MCC: variants seen among roughly 807,000 people sequenced by gnomAD.
The protein encoded by MCC is MCC regulator of Wnt signaling pathway.
Under a neutral mutation model 116.2 loss-of-function variants are expected in MCC, and 90 were observed. The ratio of observed to expected loss-of-function variants is 0.77; its 90% CI spans 0.65 to 0.92. MCC has a LOEUF of 0.92. Among genes scored for constraint, MCC ranks in the 40% least tolerant of loss-of-function variants. MCC has a pLI of 0.00. For missense variants in MCC, 1,516 were observed against 1,312.2 expected, an observed-to-expected ratio of 1.16 and a Z score of -2.40; for synonymous variants, 578 against 510.5, an observed-to-expected ratio of 1.13 and a Z score of -1.78.
intron 3 of MCC, among the ~76,000 whole-genome samples, chr5:113,261,702 T>G (rs1281532563): frequency 6.6e-6 from 1 of 152,196 alleles, no homozygotes; most frequent in Non-Finnish European, 1.5e-5. Context: ...ATACACATCC[T>G]ATTTGACTAC....
At chr5:113,295,398 C>G (rs1766678830) in intron 3 of MCC, among the ~76,000 whole-genome samples, 1 of 151,104 alleles carries the variant, frequency 6.6e-6, no homozygotes, top group Non-Finnish European at 1.5e-5. Context: ...CTGTCTGTCA[C>G]TGGGGCAGAG....
chr5:113,075,632 C>T (rs1754392742), intron 11 of MCC, among the ~76,000 whole-genome samples: 1 of 152,178 alleles, frequency 6.6e-6, no homozygotes, highest in African/African-American at 2.4e-5. Context: ...CCAATCACCT[C>T]TCTGTAAAAC....
chr5:113,266,047 G>A (rs149571970), intron 3 of MCC, among the ~76,000 whole-genome samples: 116 of 152,282 alleles, frequency 7.6e-4, no homozygotes, highest in African/African-American at 2.7e-3. Context: ...GACCCTCACA[G>A]TATGGGGCAG....
chr5:113,060,987 T>G (rs1366615577), intron 14 of MCC, among the ~76,000 whole-genome samples: 1 of 152,186 alleles, frequency 6.6e-6, no homozygotes, highest in Admixed American at 6.5e-5. Flanking sequence ...TTTCAAAAAA[T>G]TCACCCTTTC....
At chr5:113,050,604 T>C (rs1446790466) in intron 15 of MCC, among the ~76,000 whole-genome samples, 1 of 152,192 alleles carries the variant, frequency 6.6e-6, no homozygotes, top group Non-Finnish European at 1.5e-5. Flanking sequence ...GAATGAAAGG[T>C]GTGCCACGCC....
At chr5:113,060,399 C>T (rs182495858) in intron 14 of MCC, among the ~76,000 whole-genome samples, 11 of 152,176 alleles carry the variant, frequency 7.2e-5, no homozygotes, top group Admixed American at 3.9e-4. Flanking sequence ...ATGATCTGCC[C>T]GCCTCAGCCT....
chr5:113,472,240 G>T (rs1259383130), intron 1 of MCC, among the ~76,000 whole-genome samples: 1 of 152,146 alleles, frequency 6.6e-6, no homozygotes, highest in African/African-American at 2.4e-5. Context: ...GAAATCACCC[G>T]TCTTCTGTGT....
chr5:113,335,785 A>C (rs1025578901), intron 3 of MCC, among the ~76,000 whole-genome samples: 1 of 151,702 alleles, frequency 6.6e-6, no homozygotes, highest in Non-Finnish European at 1.5e-5. Context: ...CACATTCCCC[A>C]GAGTTCTCTT....
At chr5:113,043,253 C>A (rs1018292601) in intron 17 of MCC, among the ~76,000 whole-genome samples, 4 of 152,190 alleles carry the variant, frequency 2.6e-5, no homozygotes, top group African/African-American at 4.8e-5. Context: ...CCGGAAGTTT[C>A]TAGCCAATGC....
At chr5:113,439,364 C>A (rs769841795) in intron 1 of MCC, among the ~76,000 whole-genome samples, 1 of 152,044 alleles carries the variant, frequency 6.6e-6, no homozygotes, top group Non-Finnish European at 1.5e-5. Flanking sequence ...ACACACGAGG[C>A]CTTGAAGCAA....
chr5:113,031,451 C>T (rs566991766), intron 17 of MCC, among the ~76,000 whole-genome samples: 1 of 151,894 alleles, frequency 6.6e-6, no homozygotes, highest in East Asian at 1.9e-4. Flanking sequence ...AGCAGTCCTC[C>T]TCCAGCGGAG....
chr5:113,486,857 G>T (rs1409213635), intron 1 of MCC, among the ~76,000 whole-genome samples: 1 of 147,128 alleles, frequency 6.8e-6, no homozygotes, highest in Non-Finnish European at 1.5e-5. Flanking sequence ...AAAAAAAATT[G>T]TATCCAAAGT....
intron 2 of MCC, among the ~76,000 whole-genome samples, chr5:113,383,101 T>G (rs1376857280): frequency 4.6e-5 from 7 of 152,196 alleles, no homozygotes; most frequent in African/African-American, 1.7e-4. Context: ...ACCAGTTCCT[T>G]TTAGGATTTT....
chr5:113,043,471 C>G lies in MCC; in HGVS notation c.2756+59G>C, dbSNP rs114672567. ...CCTTTTGGGAGCAGCAAAGAGAACT[C>G]AGAACAAAGTCTCCATGCCCAGGAT... On this transcript the variant is annotated intron_variant, in intron 17 of 18. Transcript: ENST00000408903. 2,419 of 1,450,986 alleles carry G rather than the reference C, an allele frequency of 1.7e-3. 42 individuals are homozygous for G. In the African/African-American group the frequency reaches 0.031, roughly 18 times the overall value. 89.9% of individuals were successfully genotyped at this position (1,450,986 alleles called of 1,614,324 possible). A position where few individuals can be genotyped will look rare whatever the true frequency, so the allele number is the denominator to read the frequency against.
Position 113,104,249 on chromosome 5 carries a change from C to T in MCC, c.1134G>A (p.Val378=), listed in dbSNP as rs781488284. Residue 378 remains valine, a synonymous_variant, in exon 7 of 19, where the codon GTG becomes GTA. Coordinates refer to ENST00000408903, the MANE Select transcript of MCC (RefSeq NM_001085377.2). ...KSSCSLSVAE[V]DKHIEQLTTA... is the part of the protein sequence containing the mutation. ...TGGTGAGCTGCTCAATGTGCTTGTC[C>T]ACCTCGGCCACGGAGAGGCTGCAGC... 1.2e-6 allele frequency: 2 copies of T among 1,614,052 alleles called. No homozygotes were observed. Among genetic ancestry groups the T allele is most frequent in the East Asian group, 2.2e-5 (1 of 44,882 alleles).
At chr5:113,376,174 T>G (rs1406945233) in intron 2 of MCC, among the ~76,000 whole-genome samples, 4 of 152,190 alleles carry the variant, frequency 2.6e-5, no homozygotes, top group Non-Finnish European at 5.9e-5. Flanking sequence ...CAAGCACACA[T>G]TTCTTATTTC....
At chr5:113,206,857 C>T (rs1431027954) in intron 3 of MCC, among the ~76,000 whole-genome samples, 3 of 152,284 alleles carry the variant, frequency 2.0e-5, no homozygotes, top group East Asian at 3.9e-4. Flanking sequence ...TAAGCTTTCC[C>T]TCATTTGATC....
chr5:113,449,064 A>G (rs1158758376), intron 1 of MCC, among the ~76,000 whole-genome samples: 2 of 152,236 alleles, frequency 1.3e-5, no homozygotes, highest in African/African-American at 4.8e-5. Flanking sequence ...TCTACTGGTC[A>G]TCAGGAAAAT....
At chr5:113,164,966 G>A (rs1760692953) in intron 3 of MCC, among the ~76,000 whole-genome samples, 1 of 152,186 alleles carries the variant, frequency 6.6e-6, no homozygotes, top group Non-Finnish European at 1.5e-5. Context: ...CCTGAACTCT[G>A]TAGCCAAAAA....
Sources: gnomAD v4.1 joint callset for allele counts (sites outside exome capture counted in the v4.1 genomes callset) on GRCh38, gnomAD v4.1.1 for gene constraint, MANE v1.5 for transcripts, NCBI Gene and HGNC (gene_info 2026-07-23, HGNC 2026-07-21) for gene names.